Variants in LRRTM4 observed in about 807,000 individuals in gnomAD.
LRRTM4 encodes the protein leucine-rich repeat transmembrane neuronal protein 4.
In LRRTM4, 25 loss-of-function variants were observed where a neutral mutation model predicts 47.6. The observed-to-expected ratio is 0.53, with a 90% CI of 0.38 to 0.73. The LOEUF is 0.73. LRRTM4 is among the 30% of genes least tolerant of loss of function. The pLI is 0.00. For missense variants in LRRTM4, 638 were observed against 713.4 expected, an observed-to-expected ratio of 0.89 and a Z score of 1.20; for synonymous variants, 311 against 269.5, an observed-to-expected ratio of 1.15 and a Z score of -1.51.
At chr2:76,949,318 A>G (rs1318846350) in intron 3 of LRRTM4, among the ~76,000 whole-genome samples, 1 of 151,890 alleles carries the variant, frequency 6.6e-6, no homozygotes, top group African/African-American at 2.4e-5. Flanking sequence ...AAGTATATGA[A>G]GAAGTATGAA....
chr2:76,987,307 C>T (rs1676835856), intron 3 of LRRTM4: 1 of 149,564 alleles, frequency 6.7e-6, no homozygotes, highest in Admixed American at 6.7e-5. Context: ...ACAAAGTGCA[C>T]ACTTTTCAGG....
chr2:76,985,657 AG>A (rs1306571314), intron 3 of LRRTM4, among the ~76,000 whole-genome samples: 1 of 152,010 alleles, frequency 6.6e-6, no homozygotes, highest in Non-Finnish European at 1.5e-5. Context: ...GAATCCAGGA[AG>A]TTAGAGGCTT....
At chr2:77,125,009 T>C (rs1050465832) in intron 3 of LRRTM4, among the ~76,000 whole-genome samples, 1 of 152,174 alleles carries the variant, frequency 6.6e-6, no homozygotes, top group African/African-American at 2.4e-5. Context: ...GTTGCTTCTT[T>C]CTCTATTTTT....
chr2:77,043,365 T>G (rs1297286738), intron 3 of LRRTM4, among the ~76,000 whole-genome samples: 1 of 151,742 alleles, frequency 6.6e-6, no homozygotes, highest in Non-Finnish European at 1.5e-5. Flanking sequence ...AAAAGAGGAT[T>G]TGGGCATTGT....
At chr2:76,820,619 T>C (rs1434914600) in intron 3 of LRRTM4, among the ~76,000 whole-genome samples, 1 of 151,726 alleles carries the variant, frequency 6.6e-6, no homozygotes, top group African/African-American at 2.4e-5. Context: ...TAACCAACTA[T>C]GTATAATTGT....
At chr2:77,310,692 G>C (rs758327620) in intron 3 of LRRTM4, among the ~76,000 whole-genome samples, 43 of 152,204 alleles carry the variant, frequency 2.8e-4, no homozygotes, top group Middle Eastern at 3.4e-3. Flanking sequence ...GGCAGCAAAG[G>C]CTTCTCTCCA....
intron 3 of LRRTM4, among the ~76,000 whole-genome samples, chr2:76,797,309 T>G (rs372431335): frequency 1.3e-5 from 2 of 151,978 alleles, no homozygotes; most frequent in East Asian, 1.9e-4. Context: ...GGGGCCAATA[T>G]TCAACATTCT....
At chr2:77,309,684 T>C (rs748639958) in intron 3 of LRRTM4, among the ~76,000 whole-genome samples, 2 of 2,868 alleles carry the variant, frequency 7.0e-4, no homozygotes, top group African/African-American at 3.0e-3. Context: ...AGACAGATGA[T>C]AGATAGATAG....
At chr2:77,421,904 A>C (rs186197248) in intron 3 of LRRTM4, among the ~76,000 whole-genome samples, 76 of 152,356 alleles carry the variant, frequency 5.0e-4, no homozygotes, top group African/African-American at 1.7e-3. Context: ...CAGTGGTCTT[A>C]TAAGCCTATA....
intron 3 of LRRTM4, among the ~76,000 whole-genome samples, chr2:76,954,415 A>G (rs1179289795): frequency 6.6e-6 from 1 of 151,858 alleles, no homozygotes; most frequent in Non-Finnish European, 1.5e-5. Flanking sequence ...ACCGAATTGA[A>G]AAATTCACTA....
At chr2:77,347,824 A>C (rs1671624200) in intron 3 of LRRTM4, among the ~76,000 whole-genome samples, 1 of 152,110 alleles carries the variant, frequency 6.6e-6, no homozygotes. Flanking sequence ...TGAACACATA[A>C]ATCATCAAAT....
intron 3 of LRRTM4, among the ~76,000 whole-genome samples, chr2:77,421,508 C>G (rs564449410): frequency 6.6e-6 from 1 of 152,126 alleles, no homozygotes; most frequent in South Asian, 2.1e-4. Context: ...GAGATCGAGA[C>G]CATCCTGGCT....
intron 3 of LRRTM4, among the ~76,000 whole-genome samples, chr2:77,354,393 A>G (rs1372079359): frequency 6.9e-6 from 1 of 144,464 alleles, no homozygotes; most frequent in Non-Finnish European, 1.5e-5. Context: ...TAAAATGTAG[A>G]TATCTTAGAC....
At chr2:77,482,617 T>C (rs1018044490) in intron 3 of LRRTM4, among the ~76,000 whole-genome samples, 8 of 152,208 alleles carry the variant, frequency 5.3e-5, no homozygotes, top group Non-Finnish European at 8.8e-5. Flanking sequence ...CTGGTACATT[T>C]TTAGATATTA....
chr2:77,216,613 T>TCC (rs1674447665), intron 3 of LRRTM4, among the ~76,000 whole-genome samples: 1 of 152,162 alleles, frequency 6.6e-6, no homozygotes, highest in Admixed American at 6.5e-5. Context: ...TTAAAATTTC[T>TCC]CCCCTGAAGA....
chr2:77,518,128 T>G, intron 3 of LRRTM4, 190 bp downstream of exon 3: 1 of 1,254,768 alleles, frequency 8.0e-7, no homozygotes, highest in Middle Eastern at 3.1e-4. Flanking sequence ...TTTCAACCAT[T>G]TAAAAAAAAA....
At chr2:77,035,853 TAAC>T (rs1678819753) in intron 3 of LRRTM4, among the ~76,000 whole-genome samples, 1 of 151,814 alleles carries the variant, frequency 6.6e-6, no homozygotes, top group Non-Finnish European at 1.5e-5. Flanking sequence ...CAATGGCATC[TAAC>T]AACCATCAGG....
rs1284561546 is a variant in LRRTM4, at chr2:76,799,332, C to T, written c.1552-50416G>A. Among the ~76,000 whole-genome samples, 30 of 108,980 alleles carry T rather than the reference C, an allele frequency of 2.8e-4. 8 individuals carry two copies. The highest frequency in any genetic ancestry group is 2.7e-3 in the Admixed American group (30 of 11,252). The allele number at this position is 108,980 out of a possible 152,430, so 71.5% of individuals were successfully genotyped here. A position where few individuals can be genotyped will look rare whatever the true frequency, so the allele number is the denominator to read the frequency against. On this transcript the variant is annotated intron_variant, in intron 3 of 3. Coordinates refer to ENST00000409884, the MANE Select transcript of LRRTM4 (RefSeq NM_001134745.3). ...CAATAAATGTAATCCAGCATATAAC[C>T]AGAACCAAAGACAAAAACCACATGA...
chr2:77,375,056 TAA>T (rs1278993045), intron 3 of LRRTM4, among the ~76,000 whole-genome samples: 1 of 151,756 alleles, frequency 6.6e-6, no homozygotes. Flanking sequence ...TAATACATTT[TAA>T]AAGTCATACA....
Sources: allele counts gnomAD v4.1 joint callset (sites outside exome capture counted in the v4.1 genomes callset), GRCh38; gene constraint gnomAD v4.1.1; transcripts MANE v1.5; gene names NCBI Gene and HGNC (gene_info 2026-07-23, HGNC 2026-07-21).